PCGF3: variants seen among roughly 807,000 people sequenced by gnomAD.
PCGF3 encodes polycomb group RING finger protein 3.
PCGF3 carries 7 observed loss-of-function variants against 33.1 expected under a neutral mutation model. The observed-to-expected ratio is 0.21, with a 90% confidence interval of 0.12 to 0.40. The LOEUF (loss-of-function observed/expected upper bound fraction) is 0.40. Ranked by LOEUF, PCGF3 falls within the 10% of genes least tolerant of loss-of-function variation. The pLI is 1.00. For synonymous variants in PCGF3, 153 were observed against 121.3 expected (o/e 1.26, Z -1.72); for missense variants, 211 against 313.3 (o/e 0.67, Z 2.46).
chr4:765,936 C>G, intron 10 of PCGF3, 96 bp from the exon 11 acceptor site: 1 of 1,089,682 alleles, frequency 9.2e-7, no homozygotes, highest in East Asian at 2.4e-5. Context: ...GACTGTGCCT[C>G]ACGGGACGTG....
chr4:718,774 T>C (rs997970262), intron 1 of PCGF3, among the ~76,000 whole-genome samples: 4 of 152,080 alleles, frequency 2.6e-5, no homozygotes, highest in African/African-American at 9.7e-5. Context: ...TCTGAGAGCT[T>C]TGTGGCCACG....
intron 9 of PCGF3, among the ~76,000 whole-genome samples, chr4:764,319 C>A (rs1745237810): frequency 6.6e-6 from 1 of 152,158 alleles, no homozygotes; most frequent in Non-Finnish European, 1.5e-5. Context: ...GACTGGGGAG[C>A]CTAGTGCATT....
intron 8 of PCGF3, among the ~76,000 whole-genome samples, chr4:755,976 G>C (rs1036041217): frequency 7.8e-6 from 1 of 127,596 alleles, no homozygotes; most frequent in African/African-American, 3.1e-5. Flanking sequence ...TGCAAGGCCT[G>C]ATCTTGGCTC....
chr4:734,624 A>G (rs1743754786), intron 4 of PCGF3: 1 of 1,233,286 alleles, frequency 8.1e-7, no homozygotes, highest in African/African-American at 1.5e-5. Context: ...GTTTTAGCCC[A>G]TGTTCTGATG....
At chr4:737,580 G>A (rs1176201508) in intron 6 of PCGF3, 59 bp downstream of exon 6, 1 of 1,088,466 alleles carries the variant, frequency 9.2e-7, no homozygotes, top group African/African-American at 1.6e-5. Context: ...TGCAGCCCCT[G>A]CTCTCCTGGA....
At chr4:761,192 G>A (rs1745036133) in intron 8 of PCGF3, 87 bp from the exon 9 acceptor site, 6 of 1,147,784 alleles carry the variant, frequency 5.2e-6, no homozygotes, top group South Asian at 1.8e-5. Flanking sequence ...CCTAGATTGA[G>A]GAATTAGTGA....
At chr4:725,919 G>A (rs1009508594) in intron 1 of PCGF3, among the ~76,000 whole-genome samples, 2 of 152,128 alleles carry the variant, frequency 1.3e-5, no homozygotes, top group African/African-American at 2.4e-5. Context: ...CCCATTTCAG[G>A]AGCCCCAGGG....
At chr4:765,100 G>GAA in intron 10 of PCGF3, 36 bp downstream of exon 10, 3 of 1,421,522 alleles carry the variant, frequency 2.1e-6, no homozygotes, top group Non-Finnish European at 3.0e-6. Context: ...AGTCTGCTCT[G>GAA]AATGGCAGTG....
chr4:727,138 C>G (rs1320295063), intron 1 of PCGF3, among the ~76,000 whole-genome samples: 1 of 151,080 alleles, frequency 6.6e-6, no homozygotes, highest in Non-Finnish European at 1.5e-5. Flanking sequence ...GATGGACTAA[C>G]TAGGTGGTTG....
chr4:733,518 C>A (rs904654695), intron 3 of PCGF3, among the ~76,000 whole-genome samples, 154 bp from the exon 4 acceptor site: 2 of 152,234 alleles, frequency 1.3e-5, no homozygotes, highest in African/African-American at 4.8e-5. Flanking sequence ...GTGCCCTGCA[C>A]ATGGGAGCCT....
intron 1 of PCGF3, among the ~76,000 whole-genome samples, chr4:709,555 G>A (rs1263541071): frequency 6.6e-6 from 1 of 152,268 alleles, no homozygotes; most frequent in Non-Finnish European, 1.5e-5. Flanking sequence ...AAAGGCAAGA[G>A]TGAGTGATGC....
At chr4:759,814 G>C (rs6837284) in intron 8 of PCGF3, among the ~76,000 whole-genome samples, 13 of 14,942 alleles carry the variant, frequency 8.7e-4, no homozygotes, top group East Asian at 1.4e-3. Flanking sequence ...CTCCCGAGTT[G>C]TTCTCCTTCC....
chr4:728,550 T>TG (rs1445297647), intron 1 of PCGF3, among the ~76,000 whole-genome samples: 4 of 152,172 alleles, frequency 2.6e-5, no homozygotes, highest in African/African-American at 9.7e-5. Context: ...TGAGCACCTG[T>TG]GGATTTTGGT....
At chr4:733,093 CGCCCCTGCCCCGTGCTGCCTCA>C (rs1459479891) in intron 3 of PCGF3, among the ~76,000 whole-genome samples, 4 of 83,216 alleles carry the variant, frequency 4.8e-5, no homozygotes, top group Non-Finnish European at 9.3e-5. Context: ...GTGCTGCCTC[CGCCCCTGCCCCGTGCTGCCTCA>C]GGCTCTGGGA....
intron 1 of PCGF3, among the ~76,000 whole-genome samples, chr4:717,361 T>G (rs1742900546): frequency 1.3e-5 from 2 of 152,190 alleles, no homozygotes. Flanking sequence ...GTGTCAGTGC[T>G]GGGACCCTGT....
chr4:764,283 C>T (rs1290891122), intron 9 of PCGF3, among the ~76,000 whole-genome samples: 2 of 152,198 alleles, frequency 1.3e-5, no homozygotes. Context: ...TTAAATTGTT[C>T]TTTAAAAAGT....
chr4:728,409 C>T lies in PCGF3; in HGVS notation c.-189-2221C>T, dbSNP rs369608518. ...AGTGTCGTAAGTAATCTGGGGATGG[C>T]GTAGAGTGCGTGGGGGGTGGCGTGC... On this transcript the variant is annotated intron_variant, in intron 1 of 10. Transcript: ENST00000362003. Among the ~76,000 whole-genome samples the T allele has an allele frequency of 3.1e-4, 47 of 149,556 alleles. No individual in the cohort carries two copies. In the South Asian group the frequency reaches 9.0e-3, roughly 29 times the overall value.
chr4:707,619 C>A lies in PCGF3; in HGVS notation c.-190+1649C>A, dbSNP rs182345965. Among the ~76,000 whole-genome samples, 19 of 98,092 alleles carry A rather than the reference C, an allele frequency of 1.9e-4. 1 individual carries two copies. The highest frequency in any genetic ancestry group is 7.8e-3 in the Middle Eastern group (1 of 128). 64.4% of individuals were successfully genotyped at this position (98,092 alleles called of 152,430 possible). A position where few individuals can be genotyped will look rare whatever the true frequency, so the allele number is the denominator to read the frequency against. On this transcript the variant is annotated intron_variant, in intron 1 of 10. Coordinates refer to ENST00000362003, the Ensembl canonical transcript of PCGF3. ...GGGACTCTGGGACAGCTCTGTTTTC[C>A]CCTGGGGGTCGGGACCCTGGGACAG...
chr4:765,091 G>A (rs751899764), intron 10 of PCGF3, 27 bp downstream of exon 10: 2 of 1,522,052 alleles, frequency 1.3e-6, no homozygotes. Context: ...GATTTTCAGA[G>A]TCTGCTCTGA....
Sources: allele counts gnomAD v4.1 joint callset (sites outside exome capture counted in the v4.1 genomes callset), GRCh38; gene constraint gnomAD v4.1.1; transcripts MANE v1.5; gene names NCBI Gene and HGNC (gene_info 2026-07-23, HGNC 2026-07-21).